PIGL: variants seen among roughly 807,000 people sequenced by gnomAD.
PIGL encodes N-acetylglucosaminyl-phosphatidylinositol de-N-acetylase.
A neutral mutation model predicts 31.1 loss-of-function variants in PIGL; 22 were observed. The ratio of observed to expected loss-of-function variants is 0.71; its 90% confidence interval spans 0.51 to 1.01. PIGL has a LOEUF of 1.01. Among genes scored for constraint, PIGL ranks in the 50% least tolerant of loss-of-function variants. PIGL has a pLI of 0.00. For synonymous variants in PIGL, 131 were observed against 117.4 expected (o/e 1.12, Z -0.75); for missense variants, 302 against 315.9 (o/e 0.96, Z 0.33).
intron 3 of PIGL, 86 bp from the exon 4 acceptor site, chr17:16,313,459 TTC>T: frequency 1.1e-6 from 1 of 950,716 alleles, no homozygotes; most frequent in Non-Finnish European, 1.7e-6. Flanking sequence ...CAGGGTTCTG[TTC>T]TCTCCTTCCC....
intron 2 of PIGL, among the ~76,000 whole-genome samples, chr17:16,265,063 A>G (rs933405336): frequency 3.9e-5 from 6 of 152,204 alleles, no homozygotes; most frequent in African/African-American, 1.4e-4. Context: ...GGCCTTTGTG[A>G]GGAATCAGCC....
chr17:16,326,222 A>G lies in PIGL; in HGVS notation c.*324A>G, dbSNP rs886052645. The G allele has an allele frequency of 4.8e-5, 13 of 273,556 alleles. No individual in the cohort carries two copies. The highest frequency in any genetic ancestry group is 7.6e-5 in the Non-Finnish European group (11 of 145,292). The allele number at this position is 273,556 out of a possible 1,614,324, so 16.9% of individuals were successfully genotyped here. A position where few individuals can be genotyped will look rare whatever the true frequency, so the allele number is the denominator to read the frequency against. On this transcript the variant is annotated 3_prime_UTR_variant, in exon 7 of 7. Coordinates refer to ENST00000225609, the MANE Select transcript of PIGL (RefSeq NM_004278.4). ...CCCAGTGCCTGGGCAGGTCCCTATT[A>G]TCATAAATGAACATAAAAGTGCTCT...
intron 2 of PIGL, among the ~76,000 whole-genome samples, chr17:16,278,516 T>C (rs183271275): frequency 1.6e-3 from 239 of 152,384 alleles, no homozygotes; most frequent in Non-Finnish European, 2.3e-3. Flanking sequence ...ATTAGTGTTC[T>C]AAGAAAACTC....
chr17:16,287,987 T>C (rs58144323), intron 2 of PIGL, among the ~76,000 whole-genome samples: 1,769 of 152,314 alleles, frequency 0.012, 48 homozygotes, highest in African/African-American at 0.04. Flanking sequence ...TATTCACATA[T>C]AGGCAAGTTA....
chr17:16,265,898 A>G (rs1161504027), intron 2 of PIGL, among the ~76,000 whole-genome samples: 1 of 152,096 alleles, frequency 6.6e-6, no homozygotes, highest in Admixed American at 6.6e-5. Context: ...AGTCCTGAGT[A>G]TCCTGTTAGG....
At chr17:16,311,939 C>T (rs1406422425) in intron 3 of PIGL, among the ~76,000 whole-genome samples, 9 of 151,918 alleles carry the variant, frequency 5.9e-5, no homozygotes, top group African/African-American at 2.2e-4. Flanking sequence ...AAACCGCCAT[C>T]GTCATCATGG....
chr17:16,242,684 C>T (rs1256505781), intron 2 of PIGL, among the ~76,000 whole-genome samples: 2 of 116,106 alleles, frequency 1.7e-5, no homozygotes, highest in African/African-American at 6.6e-5. Context: ...GACAGAGTCT[C>T]GCTTGTAACA....
intron 1 of PIGL, among the ~76,000 whole-genome samples, chr17:16,232,904 G>C (rs1278877641): frequency 6.6e-6 from 1 of 152,070 alleles, no homozygotes; most frequent in Non-Finnish European, 1.5e-5. Flanking sequence ...TGGATCACAA[G>C]GTCAGGAGTT....
chr17:16,248,030 GGCGCGC>G, intron 2 of PIGL, among the ~76,000 whole-genome samples: 1 of 152,172 alleles, frequency 6.6e-6, no homozygotes, highest in Middle Eastern at 3.4e-3. Context: ...CGGGATTACA[GGCGCGC>G]ACCACCACAC....
intron 4 of PIGL, 42 bp from the exon 5 acceptor site, chr17:16,316,639 A>AT (rs1244496944): frequency 6.4e-7 from 1 of 1,552,198 alleles, no homozygotes; most frequent in Non-Finnish European, 8.8e-7. Flanking sequence ...TACAAAGGAA[A>AT]TGATCCTTAC....
intron 2 of PIGL, among the ~76,000 whole-genome samples, chr17:16,246,110 A>T (rs2092745519): frequency 6.6e-6 from 1 of 151,104 alleles, no homozygotes; most frequent in Non-Finnish European, 1.5e-5. Context: ...GGCGTGAGCC[A>T]CTGCGCCCGG....
intron 3 of PIGL, among the ~76,000 whole-genome samples, chr17:16,311,076 A>G (rs1344810203): frequency 6.6e-6 from 1 of 152,126 alleles, no homozygotes; most frequent in Non-Finnish European, 1.5e-5. Context: ...TTTAAAATAG[A>G]AAGACCAAGA....
intron 2 of PIGL, among the ~76,000 whole-genome samples, chr17:16,269,648 C>CA (rs746630809): frequency 0.059 from 3,586 of 60,948 alleles, 84 homozygotes; most frequent in African/African-American, 0.12. Flanking sequence ...GACTCCGTCT[C>CA]AAAAAAAAAA....
chr17:16,319,576 G>A (rs1428674906), intron 6 of PIGL, among the ~76,000 whole-genome samples: 2 of 151,992 alleles, frequency 1.3e-5, no homozygotes, highest in East Asian at 1.9e-4. Flanking sequence ...GCAACACGGC[G>A]AAACCCCGTC....
chr17:16,308,812 G>A (rs1012090572), intron 3 of PIGL, among the ~76,000 whole-genome samples: 40 of 41,050 alleles, frequency 9.7e-4, no homozygotes, highest in Non-Finnish European at 1.8e-3. Flanking sequence ...TTTTTTTTTC[G>A]AGACAAGGTC....
intron 2 of PIGL, among the ~76,000 whole-genome samples, chr17:16,294,333 T>G (rs1043052440): frequency 4.6e-5 from 7 of 152,178 alleles, no homozygotes; most frequent in African/African-American, 1.4e-4. Context: ...ACTGGACCAC[T>G]GTAATCATGG....
intron 6 of PIGL, among the ~76,000 whole-genome samples, chr17:16,321,237 C>CTTTTTT (rs772667855): frequency 2.5e-5 from 3 of 119,838 alleles, no homozygotes; most frequent in Admixed American, 8.5e-5. Flanking sequence ...TGCGCCGGGC[C>CTTTTTT]TTTTTTTTTT....
At chr17:16,272,485 A>G (rs192608353) in intron 2 of PIGL, among the ~76,000 whole-genome samples, 3 of 152,202 alleles carry the variant, frequency 2.0e-5, no homozygotes, top group Non-Finnish European at 2.9e-5. Flanking sequence ...AAAAACCTCT[A>G]CTTAACCCTC....
At chr17:16,291,722 A>T (rs9747114) in intron 2 of PIGL, among the ~76,000 whole-genome samples, 1 of 151,086 alleles carries the variant, frequency 6.6e-6, no homozygotes, top group Non-Finnish European at 1.5e-5. Context: ...AAAATTAGCC[A>T]GGCATGATGG....
Sources: gnomAD v4.1 joint callset for allele counts (sites outside exome capture counted in the v4.1 genomes callset) on GRCh38, gnomAD v4.1.1 for gene constraint, MANE v1.5 for transcripts, NCBI Gene and HGNC (gene_info 2026-07-23, HGNC 2026-07-21) for gene names.